Variants in PRSS12 observed in about 807,000 individuals in gnomAD.
PRSS12 encodes the protein serine protease 12, also known as neurotrypsin.
A neutral mutation model predicts 104.4 loss-of-function variants in PRSS12; 85 were observed. The observed-to-expected ratio is 0.81, with a 90% confidence interval of 0.68 to 0.98. PRSS12 has a LOEUF of 0.98. PRSS12 is among the 50% of genes least tolerant of loss of function. PRSS12 has a pLI of 0.00. For synonymous variants in PRSS12, 454 were observed against 425.2 expected, an observed-to-expected ratio of 1.07 and a Z score of -0.83; for missense variants, 1,141 against 1,139.2, an observed-to-expected ratio of 1.00 and a Z score of -0.02.
intron 4 of PRSS12, among the ~76,000 whole-genome samples, chr4:118,329,082 G>C (rs537211466): frequency 6.6e-6 from 1 of 152,162 alleles, no homozygotes; most frequent in East Asian, 1.9e-4. Flanking sequence ...GTGAGCCACC[G>C]TGCCCAGCCT....
Position 118,298,732 on chromosome 4 carries a change from C to T in PRSS12, c.1837+1G>A, listed in dbSNP as rs201470712. On this transcript the variant is annotated splice_donor_variant, in intron 9 of 12. Transcript: ENST00000296498. LOFTEE classifies it high-confidence loss of function. ...GTTTAGGGCTCCAGAAGGTGACTTA[C>T]CTTTATTACTGTTACCTGAGGCCTT... 43 of 1,614,024 alleles carry T rather than the reference C, an allele frequency of 2.7e-5. No homozygotes were observed. The highest frequency in any genetic ancestry group is 2.3e-4 in the African/African-American group (17 of 75,034).
In PRSS12 at chr4:118,352,972, G is replaced by A; in HGVS notation, c.-252C>T. The A allele has an allele frequency of 1.0e-6, 1 of 994,434 alleles. No homozygotes were observed. The highest frequency in any genetic ancestry group is 1.4e-6 in the Non-Finnish European group (1 of 738,922). 61.6% of individuals were successfully genotyped at this position (994,434 alleles called of 1,614,324 possible). On this transcript the variant is annotated 5_prime_UTR_variant, in exon 1 of 13. Coordinates refer to ENST00000296498, the MANE Select transcript of PRSS12 (RefSeq NM_003619.4). ...GCTCAGCCGAGCCCCGGCCGGCGGAGAGGACCGGAAAAGAGAAGGCGCGGA... is the reference window on the plus strand; with the variant it reads ...GCTCAGCCGAGCCCCGGCCGGCGGAAAGGACCGGAAAAGAGAAGGCGCGGA...
At chr4:118,346,343 T>C (rs1393807679) in intron 1 of PRSS12, among the ~76,000 whole-genome samples, 1 of 152,010 alleles carries the variant, frequency 6.6e-6, no homozygotes, top group African/African-American at 2.4e-5. Flanking sequence ...AATTCATAAT[T>C]ATCATGTTTT....
At chr4:118,344,736 G>A (rs987980914) in intron 1 of PRSS12, among the ~76,000 whole-genome samples, 1 of 152,128 alleles carries the variant, frequency 6.6e-6, no homozygotes, top group Non-Finnish European at 1.5e-5. Flanking sequence ...CATTTACAGT[G>A]TGCTGATTAG....
At chr4:118,338,087 A>G (rs1169396090) in intron 2 of PRSS12, 89 bp downstream of exon 2, 1 of 1,534,062 alleles carries the variant, frequency 6.5e-7, no homozygotes, top group African/African-American at 1.4e-5. Context: ...GTAAGAAACA[A>G]AGATACAAGC....
At chr4:118,305,637 T>C (rs760488658) in intron 8 of PRSS12, among the ~76,000 whole-genome samples, 14 of 152,274 alleles carry the variant, frequency 9.2e-5, no homozygotes, top group Middle Eastern at 3.4e-3. Flanking sequence ...GTTCTGTTTC[T>C]GTTTTCATTT....
intron 7 of PRSS12, chr4:118,312,990 A>T: frequency 1.7e-6 from 1 of 599,834 alleles, no homozygotes; most frequent in South Asian, 2.0e-5. Context: ...TAAGTAAAGA[A>T]AAACAATTTA....
intron 4 of PRSS12, among the ~76,000 whole-genome samples, chr4:118,330,718 T>C (rs1445561485): frequency 2.0e-5 from 3 of 152,194 alleles, no homozygotes; most frequent in Non-Finnish European, 4.4e-5. Flanking sequence ...TAATGATAAT[T>C]TGGCTACATA....
chr4:118,326,341 T>C (rs527775333), intron 4 of PRSS12, among the ~76,000 whole-genome samples: 1 of 152,354 alleles, frequency 6.6e-6, no homozygotes, highest in East Asian at 1.9e-4. Flanking sequence ...CTGGCACTGG[T>C]CTAACAGTGC....
chr4:118,352,268 G>A lies in PRSS12; in HGVS notation c.453C>T (p.Tyr151=). The A allele has an allele frequency of 1.9e-6, 3 of 1,610,990 alleles. No individual in the cohort carries two copies. The highest frequency in any genetic ancestry group is 2.5e-6 in the Non-Finnish European group (3 of 1,179,480). ...PDGAGRPWCF[Y]GDARGKVDWG... is the part of the protein sequence containing the mutation. The stretch of plus-strand genomic sequence containing the variant: ...AGTCCACCTTGCCACGGGCGTCTCC[G>A]TAGAAACACCAGGGTCTGCCCGCGC... Residue 151 remains tyrosine (Y), a synonymous_variant, in exon 1 of 13, where the codon TAC becomes TAT. Coordinates refer to ENST00000296498, the MANE Select transcript of PRSS12 (RefSeq NM_003619.4).
intron 1 of PRSS12, among the ~76,000 whole-genome samples, chr4:118,345,587 A>G (rs1425800157): frequency 6.6e-6 from 1 of 152,198 alleles, no homozygotes; most frequent in Non-Finnish European, 1.5e-5. Context: ...TACTTAATAA[A>G]TGAACTAACT....
At chr4:118,327,070 A>T (rs951403779) in intron 4 of PRSS12, among the ~76,000 whole-genome samples, 2 of 152,216 alleles carry the variant, frequency 1.3e-5, no homozygotes, top group African/African-American at 4.8e-5. Flanking sequence ...TGGGCTGCAT[A>T]TGGCCTGCGG....
intron 6 of PRSS12, among the ~76,000 whole-genome samples, chr4:118,314,505 C>T (rs1743850039): frequency 6.6e-6 from 1 of 152,136 alleles, no homozygotes; most frequent in Non-Finnish European, 1.5e-5. Flanking sequence ...TCACGAAATA[C>T]ATTAGATTAT....
chr4:118,294,468 CAAG>C (rs1743208551), intron 11 of PRSS12, among the ~76,000 whole-genome samples: 1 of 152,042 alleles, frequency 6.6e-6, no homozygotes. Context: ...ATGTTTGGGA[CAAG>C]AAGAAATAAT....
chr4:118,345,654 T>C (rs2126045520), intron 1 of PRSS12, among the ~76,000 whole-genome samples: 1 of 152,284 alleles, frequency 6.6e-6, no homozygotes, highest in South Asian at 2.1e-4. Flanking sequence ...CGTCATAATA[T>C]TTGCCTGCAA....
At chr4:118,317,909 C>T (rs958034061) in intron 5 of PRSS12, among the ~76,000 whole-genome samples, 1 of 152,204 alleles carries the variant, frequency 6.6e-6, no homozygotes, top group African/African-American at 2.4e-5. Context: ...CACATTTTGA[C>T]AGGCATGCTG....
chr4:118,295,922 A>G (rs1197873516), intron 9 of PRSS12, 66 bp from the exon 10 acceptor site: 1 of 1,346,368 alleles, frequency 7.4e-7, no homozygotes, highest in Non-Finnish European at 1.1e-6. Flanking sequence ...ACGATAAGTG[A>G]CATACTCCAC....
At chr4:118,288,471 T>G (rs940053664) in intron 11 of PRSS12, among the ~76,000 whole-genome samples, 3 of 152,216 alleles carry the variant, frequency 2.0e-5, no homozygotes, top group African/African-American at 7.2e-5. Flanking sequence ...ATCTCTCTAA[T>G]TAGAAATATC....
chr4:118,289,350 C>T (rs1010682603), intron 11 of PRSS12, among the ~76,000 whole-genome samples: 1 of 152,128 alleles, frequency 6.6e-6, no homozygotes, highest in Non-Finnish European at 1.5e-5. Context: ...ACCAAGGAAG[C>T]TCTGATGAAC....
Sources: allele counts gnomAD v4.1 joint callset (sites outside exome capture counted in the v4.1 genomes callset), GRCh38; gene constraint gnomAD v4.1.1; transcripts MANE v1.5; gene names NCBI Gene and HGNC (gene_info 2026-07-23, HGNC 2026-07-21).